Variants in SIL1 observed in about 807,000 individuals in gnomAD.
The protein encoded by SIL1 is nucleotide exchange factor SIL1.
In SIL1, 40 loss-of-function variants were observed where a neutral mutation model predicts 49.1. That is an observed-to-expected ratio of 0.81 (90% CI 0.63 to 1.06). The LOEUF is 1.06. Ranked by LOEUF, SIL1 falls within the 50% of genes least tolerant of loss-of-function variation. The probability of loss-of-function intolerance (pLI) is 0.00; values close to 1 mark genes in which losing one functional copy is unlikely to be tolerated. For synonymous variants in SIL1, 253 were observed against 250.8 expected (o/e 1.01, Z -0.08); for missense variants, 500 against 572.6 (o/e 0.87, Z 1.29).
intron 1 of SIL1, among the ~76,000 whole-genome samples, chr5:139,193,080 C>T (rs1224364129): frequency 6.9e-6 from 1 of 145,328 alleles, no homozygotes; most frequent in African/African-American, 2.6e-5. Context: ...GGATAAAAAA[C>T]TGGCCTTGAT....
chr5:139,010,435 G>C (rs773745955), intron 7 of SIL1, among the ~76,000 whole-genome samples: 2,877 of 151,876 alleles, frequency 0.019, 40 homozygotes, highest in Non-Finnish European at 0.031. Context: ...AGAGTAATTT[G>C]ATCGTCTGAA....
At chr5:139,126,557 C>T (rs1004453390) in intron 2 of SIL1, among the ~76,000 whole-genome samples, 2 of 152,190 alleles carry the variant, frequency 1.3e-5, no homozygotes, top group African/African-American at 2.4e-5. Flanking sequence ...CCCAACCTCA[C>T]GCTGTAGCCA....
chr5:139,091,666 T>C (rs189399778), intron 3 of SIL1, among the ~76,000 whole-genome samples: 9 of 152,268 alleles, frequency 5.9e-5, no homozygotes, highest in Admixed American at 5.2e-4. Flanking sequence ...TTCTAGGAAG[T>C]GACTGCAAAG....
intron 4 of SIL1, among the ~76,000 whole-genome samples, chr5:139,048,226 T>C (rs1769209921): frequency 6.6e-6 from 1 of 152,000 alleles, no homozygotes; most frequent in Non-Finnish European, 1.5e-5. Context: ...TCACGGCTTA[T>C]TGCAGCCTCA....
chr5:138,956,098 A>G (rs1369794326), intron 7 of SIL1, among the ~76,000 whole-genome samples: 1 of 152,250 alleles, frequency 6.6e-6, no homozygotes, highest in East Asian at 1.9e-4. Flanking sequence ...TCCTCGTGAC[A>G]TTTCTAAGTG....
At chr5:139,095,505 A>C (rs1279591713) in intron 3 of SIL1, among the ~76,000 whole-genome samples, 3 of 152,142 alleles carry the variant, frequency 2.0e-5, no homozygotes. Context: ...CAAGTGATCC[A>C]CTTGCCTTGG....
chr5:139,121,260 T>C, intron 2 of SIL1, 87 bp from the exon 3 acceptor site: 1 of 1,563,558 alleles, frequency 6.4e-7, no homozygotes, highest in Non-Finnish European at 8.8e-7. Context: ...CACGTTCTTT[T>C]CCTCCATGCC....
At chr5:139,156,841 G>T (rs1751415806) in intron 1 of SIL1, among the ~76,000 whole-genome samples, 1 of 152,194 alleles carries the variant, frequency 6.6e-6, no homozygotes, top group Non-Finnish European at 1.5e-5. Flanking sequence ...CCAAAACCAT[G>T]AAAGGATAAA....
At chr5:139,184,780 G>A (rs1241363007) in intron 1 of SIL1, among the ~76,000 whole-genome samples, 2 of 152,212 alleles carry the variant, frequency 1.3e-5, no homozygotes, top group African/African-American at 4.8e-5. Flanking sequence ...ACACCTGATT[G>A]TTATTCCAAA....
intron 7 of SIL1, among the ~76,000 whole-genome samples, chr5:138,996,560 G>C (rs534566283): frequency 7.9e-6 from 1 of 126,276 alleles, no homozygotes; most frequent in Admixed American, 9.7e-5. Flanking sequence ...TCACTCTGTC[G>C]CCAGGCTGGA....
chr5:138,962,511 T>C (rs1767043534), intron 7 of SIL1, among the ~76,000 whole-genome samples: 1 of 152,232 alleles, frequency 6.6e-6, no homozygotes. Context: ...TCTCATGGGA[T>C]TGTTGCGGGG....
At chr5:139,074,974 G>A (rs1407207487) in intron 3 of SIL1, among the ~76,000 whole-genome samples, 1 of 152,098 alleles carries the variant, frequency 6.6e-6, no homozygotes. Flanking sequence ...ACAGGCACAT[G>A]CTACCATGTC....
intron 3 of SIL1, chr5:139,051,297 G>A: frequency 1.9e-6 from 1 of 530,822 alleles, no homozygotes; most frequent in Non-Finnish European, 3.4e-6. Context: ...TGAATCTAGA[G>A]ACCAATGTCC....
chr5:139,168,446 C>T (rs1751668354), intron 1 of SIL1, among the ~76,000 whole-genome samples: 1 of 152,162 alleles, frequency 6.6e-6, no homozygotes, highest in African/African-American at 2.4e-5. Flanking sequence ...ACACAGCTTG[C>T]ACAAAAAGAA....
At chr5:139,086,108 G>GAA (rs34177563) in intron 3 of SIL1, among the ~76,000 whole-genome samples, 2 of 139,428 alleles carry the variant, frequency 1.4e-5, no homozygotes, top group Non-Finnish European at 1.6e-5. Flanking sequence ...CGACTCTACC[G>GAA]AAAAAAAAAA....
intron 9 of SIL1, among the ~76,000 whole-genome samples, chr5:138,949,552 C>T (rs187498253): frequency 2.0e-4 from 30 of 152,100 alleles, no homozygotes; most frequent in African/African-American, 1.2e-4. Context: ...TAGTGACTCA[C>T]GCCTATAATT....
chr5:139,190,287 C>A (rs1752144442), intron 1 of SIL1, among the ~76,000 whole-genome samples: 1 of 152,158 alleles, frequency 6.6e-6, no homozygotes, highest in Non-Finnish European at 1.5e-5. Flanking sequence ...CAAGTCTGGC[C>A]TGAGCACTAT....
intron 3 of SIL1, among the ~76,000 whole-genome samples, chr5:139,078,627 C>T (rs1199166796): frequency 1.3e-5 from 2 of 152,228 alleles, no homozygotes; most frequent in Non-Finnish European, 1.5e-5. Context: ...TGCATGTCAA[C>T]TCTTCCCGAT....
chr5:139,104,991 C>A (rs1404069467), intron 3 of SIL1, among the ~76,000 whole-genome samples: 4 of 152,116 alleles, frequency 2.6e-5, no homozygotes, highest in African/African-American at 9.7e-5. Context: ...GGCTAGGCAA[C>A]CCAGACTCCA....
Sources: gnomAD v4.1 joint callset for allele counts (sites outside exome capture counted in the v4.1 genomes callset) on GRCh38, gnomAD v4.1.1 for gene constraint, MANE v1.5 for transcripts, NCBI Gene and HGNC (gene_info 2026-07-23, HGNC 2026-07-21) for gene names.